The following MASP1 variants were observed in gnomAD, a reference collection of about 807,000 sequenced individuals.
The protein encoded by MASP1 is mannan-binding lectin serine protease 1.
Under a neutral mutation model 77.1 loss-of-function variants are expected in MASP1, and 59 were observed. That is an observed-to-expected ratio of 0.77 (90% CI 0.62 to 0.95). The LOEUF (loss-of-function observed/expected upper bound fraction) is 0.95, where lower values mean the gene tolerates loss of function less well. MASP1 is among the 40% of genes least tolerant of loss of function. The probability of loss-of-function intolerance (pLI) is 0.00; values close to 1 mark genes in which losing one functional copy is unlikely to be tolerated. For missense variants in MASP1, 885 were observed against 912.9 expected (o/e 0.97, Z 0.39); for synonymous variants, 362 against 354.5 (o/e 1.02, Z -0.24).
At chr3:187,258,860 C>A (rs1302075112) in intron 4 of MASP1, among the ~76,000 whole-genome samples, 3 of 152,206 alleles carry the variant, frequency 2.0e-5, no homozygotes, top group Non-Finnish European at 4.4e-5. Flanking sequence ...TATTATCCAG[C>A]ATGAGCAACC....
chr3:187,239,652 G>A (rs934594525), intron 10 of MASP1, among the ~76,000 whole-genome samples: 2 of 152,104 alleles, frequency 1.3e-5, no homozygotes, highest in African/African-American at 2.4e-5. Flanking sequence ...CTACAGCTCC[G>A]CCATTCCTCT....
chr3:187,283,434 T>TTTA (rs1176493016), intron 2 of MASP1, among the ~76,000 whole-genome samples: 7 of 152,214 alleles, frequency 4.6e-5, no homozygotes, highest in African/African-American at 1.7e-4. Context: ...CTCTTGTGTG[T>TTTA]TTATCATCTT....
intron 6 of MASP1, among the ~76,000 whole-genome samples, 189 bp from the exon 7 acceptor site, chr3:187,251,941 C>T (rs546219228): frequency 7.2e-5 from 11 of 152,350 alleles, no homozygotes; most frequent in African/African-American, 2.6e-4. Flanking sequence ...CAACTTGGAC[C>T]ACCATGTCCT....
downstream of MASP1, chr3:187,230,003 G>T (rs567372455): frequency 4.6e-5 from 61 of 1,340,654 alleles, 1 homozygote; most frequent in East Asian, 1.3e-3. Flanking sequence ...TATTATTTTT[G>T]CTCCTCCACC....
chr3:187,243,382 T>C (rs1713816131), intron 9 of MASP1, 102 bp downstream of exon 9: 5 of 1,209,550 alleles, frequency 4.1e-6, no homozygotes, highest in South Asian at 1.2e-5. Flanking sequence ...TCTACACACT[T>C]ATGAGCAGTT....
downstream of MASP1, among the ~76,000 whole-genome samples, chr3:187,231,701 G>T (rs1239019245): frequency 2.0e-5 from 3 of 152,246 alleles, no homozygotes; most frequent in African/African-American, 7.2e-5. Context: ...AGCATCCACG[G>T]TTTTAAGCAA....
At chr3:187,256,602 A>G (rs1358232899) in intron 5 of MASP1, 62 bp downstream of exon 5, 45 of 1,551,804 alleles carry the variant, frequency 2.9e-5, no homozygotes, top group Non-Finnish European at 4.0e-5. Context: ...CGCAATATCA[A>G]TTTTCCCAAC....
intron 2 of MASP1, among the ~76,000 whole-genome samples, chr3:187,275,700 A>G (rs563784795): frequency 1.3e-5 from 2 of 152,268 alleles, no homozygotes; most frequent in African/African-American, 4.8e-5. Flanking sequence ...TCTATGCTCT[A>G]TGCTCTGCGG....
rs1325428197 is a variant in MASP1 at position 187,234,364 on chromosome 3, G to C, written c.*1320C>G. ...AAGGAGAACAATCAGCCCTGTGAGGGCCAGAGAGGCTGCTAGCAGTCAGGG... is the reference window on the plus strand; with the variant it reads ...AAGGAGAACAATCAGCCCTGTGAGGCCCAGAGAGGCTGCTAGCAGTCAGGG... On this transcript the variant is annotated 3_prime_UTR_variant, in exon 11 of 11. Transcript: ENST00000296280. 4 of 1,287,274 alleles carry C rather than the reference G, an allele frequency of 3.1e-6. No homozygotes were observed. In the South Asian group the frequency reaches 3.7e-5, roughly 12 times the overall value. 79.7% of individuals were successfully genotyped at this position (1,287,274 alleles called of 1,614,324 possible).
rs902491987 is a variant in MASP1 at position 187,226,405 on chromosome 3, AC to A, written c.1555+1del. The A allele has an allele frequency of 1.2e-6, 2 of 1,602,966 alleles. No homozygotes were observed. The highest frequency in any genetic ancestry group is 1.3e-5 in the African/African-American group (1 of 74,724). On this transcript the variant is annotated splice_donor_variant, in intron 12 of 15. Transcript: ENST00000337774. LOFTEE classifies it high-confidence loss of function. ...GAGTCAGCTTGCCCCTCACTCACTCACCCAGGATGATTTTGAAGTCAGAAGG... is the reference window on the plus strand; with the variant it reads ...GAGTCAGCTTGCCCCTCACTCACTCACCAGGATGATTTTGAAGTCAGAAGG...
At chr3:187,243,651 T>C (rs1713843273) in intron 8 of MASP1, 30 bp from the exon 9 acceptor site, 7 of 1,613,662 alleles carry the variant, frequency 4.3e-6, no homozygotes, top group Non-Finnish European at 5.9e-6. Context: ...ACCCCTCAAC[T>C]GCCTTTTGCT....
downstream of MASP1, among the ~76,000 whole-genome samples, chr3:187,232,490 A>G (rs1323894967): frequency 1.3e-5 from 2 of 152,108 alleles, no homozygotes; most frequent in Admixed American, 6.5e-5. Context: ...AGCTCAGTGA[A>G]TCCAAGCCCA....
chr3:187,235,618 A>G lies in MASP1; in HGVS notation c.*66T>C. 1 of 1,606,096 alleles carries G rather than the reference A, an allele frequency of 6.2e-7. No individual in the cohort carries two copies. Among genetic ancestry groups the G allele is most frequent in the South Asian group, 1.1e-5 (1 of 90,806 alleles). On this transcript the variant is annotated 3_prime_UTR_variant, in exon 11 of 11. Coordinates refer to ENST00000296280, the MANE Select transcript of MASP1 (RefSeq NM_139125.4). ...CCATATGGTCTGATAAGTAATGTGG[A>G]GTGTGCTGTCGGAAGTGCGGTGTAG...
chr3:187,256,149 C>G (rs1429592425), intron 5 of MASP1, among the ~76,000 whole-genome samples: 3 of 152,088 alleles, frequency 2.0e-5, no homozygotes, highest in Non-Finnish European at 4.4e-5. Flanking sequence ...CTTTATTTGC[C>G]TTTGACATAG....
intron 2 of MASP1, among the ~76,000 whole-genome samples, chr3:187,279,031 T>A (rs3107217): frequency 0.076 from 11,441 of 151,398 alleles, 513 homozygotes; most frequent in Non-Finnish European, 0.1. Flanking sequence ...ACTAAAATGC[T>A]AAAAGATGCC....
At chr3:187,254,186 T>A (rs1714871633) in intron 5 of MASP1, among the ~76,000 whole-genome samples, 1 of 152,132 alleles carries the variant, frequency 6.6e-6, no homozygotes, top group Admixed American at 6.5e-5. Flanking sequence ...ATAAAAATAA[T>A]CAAGATGATA....
Position 187,260,840 on chromosome 3 carries a change from C to G in MASP1, c.448G>C (p.Glu150Gln). ...VDECKEREDE[E>Q]LSCDHYCHNY... ...TGGCAGTAGTGGTCACAGGACAGCT[C>G]CTCGTCCTCCCTCTCCTTGCACTCG... The change falls in exon 4 of 11, where the codon GAG (glutamate) becomes CAG (glutamine). Residue 150 changes from glutamate (E) to glutamine (Q), a missense_variant. Coordinates refer to ENST00000296280, the MANE Select transcript of MASP1 (RefSeq NM_139125.4). 6.2e-7 allele frequency: 1 copy of G among 1,614,090 alleles called. No homozygotes were observed. The highest frequency in any genetic ancestry group is 8.5e-7 in the Non-Finnish European group (1 of 1,180,008).
chr3:187,225,830 A>T (rs1462106233), intron 12 of MASP1, among the ~76,000 whole-genome samples: 1 of 151,758 alleles, frequency 6.6e-6, no homozygotes, highest in Non-Finnish European at 1.5e-5. Context: ...AGCCTCTCAG[A>T]CTCTTGGGTT....
At chr3:187,240,312 C>T (rs887245111) in intron 10 of MASP1, among the ~76,000 whole-genome samples, 1 of 152,088 alleles carries the variant, frequency 6.6e-6, no homozygotes, top group African/African-American at 2.4e-5. Context: ...TTACCCAACA[C>T]TCTCATTCAG....
Sources: gnomAD v4.1 joint callset for allele counts (sites outside exome capture counted in the v4.1 genomes callset) on GRCh38, gnomAD v4.1.1 for gene constraint, MANE v1.5 for transcripts, NCBI Gene and HGNC (gene_info 2026-07-23, HGNC 2026-07-21) for gene names.